Variants in FSTL4 observed in about 807,000 individuals in gnomAD.
FSTL4 encodes the protein follistatin like 4.
A neutral mutation model predicts 78.2 loss-of-function variants in FSTL4; 28 were observed. That is an observed-to-expected ratio of 0.36 (90% CI 0.27 to 0.49). FSTL4 has a LOEUF of 0.49. Among genes scored for constraint, FSTL4 ranks in the 20% least tolerant of loss-of-function variants. FSTL4 has a pLI of 0.98. For synonymous variants in FSTL4, 422 were observed against 440.5 expected, an observed-to-expected ratio of 0.96 and a Z score of 0.53; for missense variants, 922 against 1,084.9, an observed-to-expected ratio of 0.85 and a Z score of 2.11.
the FSTL4 span, among the ~76,000 whole-genome samples, chr5:133,648,313 C>T: frequency 6.6e-6 from 1 of 152,158 alleles, no homozygotes; most frequent in Non-Finnish European, 1.5e-5. Flanking sequence ...GCAAATGTTC[C>T]AAATCAGTTT....
At chr5:133,816,853 G>T in the FSTL4 span, among the ~76,000 whole-genome samples, 1 of 152,334 alleles carries the variant, frequency 6.6e-6, no homozygotes, top group Non-Finnish European at 1.5e-5. Context: ...ATGGCACCAG[G>T]TGGCCCCAGG....
At chr5:133,334,602 C>T (rs1018692528) in intron 4 of FSTL4, among the ~76,000 whole-genome samples, 1 of 152,192 alleles carries the variant, frequency 6.6e-6, no homozygotes, top group African/African-American at 2.4e-5. Flanking sequence ...CATTTTCTCT[C>T]TGTGTTATGC....
At chr5:133,370,351 C>G (rs1755267865) in intron 4 of FSTL4, among the ~76,000 whole-genome samples, 2 of 152,170 alleles carry the variant, frequency 1.3e-5, no homozygotes, top group South Asian at 4.2e-4. Context: ...TGGTATCTGC[C>G]TGCAGGCCAG....
intron 4 of FSTL4, among the ~76,000 whole-genome samples, chr5:133,330,934 G>C (rs868759925): frequency 7.9e-5 from 12 of 152,166 alleles, no homozygotes; most frequent in African/African-American, 2.9e-4. Flanking sequence ...GTGTCCCTGT[G>C]GTTATGCTGT....
At chr5:133,330,020 A>G (rs1754305903) in intron 4 of FSTL4, among the ~76,000 whole-genome samples, 1 of 152,284 alleles carries the variant, frequency 6.6e-6, no homozygotes, top group South Asian at 2.1e-4. Context: ...ATTTTGGAGA[A>G]TCCCATCTCT....
At chr5:133,201,882 G>A (rs1750331420) in intron 15 of FSTL4, 51 bp downstream of exon 15, 1 of 1,065,514 alleles carries the variant, frequency 9.4e-7, no homozygotes, top group Non-Finnish European at 1.4e-6. Flanking sequence ...GCCCCTTGCA[G>A]GGCTGAGCTG....
intron 6 of FSTL4, among the ~76,000 whole-genome samples, chr5:133,265,106 G>A (rs1041443662): frequency 2.0e-5 from 3 of 152,020 alleles, no homozygotes; most frequent in African/African-American, 7.3e-5. Context: ...TCTTCCCTGG[G>A]AATGCTGGCC....
intron 6 of FSTL4, among the ~76,000 whole-genome samples, chr5:133,252,509 C>T (rs2126826019): frequency 6.6e-6 from 1 of 152,168 alleles, no homozygotes; most frequent in South Asian, 2.1e-4. Context: ...GGTGGACATC[C>T]AGATTTTAAC....
intron 4 of FSTL4, among the ~76,000 whole-genome samples, chr5:133,350,241 G>A (rs1173600186): frequency 6.6e-6 from 1 of 152,274 alleles, no homozygotes; most frequent in African/African-American, 2.4e-5. Flanking sequence ...AAGACCCATG[G>A]GATGGACTAT....
intron 3 of FSTL4, among the ~76,000 whole-genome samples, chr5:133,423,190 C>T (rs753459560): frequency 6.6e-6 from 1 of 152,258 alleles, no homozygotes; most frequent in Non-Finnish European, 1.5e-5. Context: ...AATGAATGGG[C>T]GGCTTGTTTC....
chr5:133,691,565 C>T, the FSTL4 span, among the ~76,000 whole-genome samples: 1 of 152,138 alleles, frequency 6.6e-6, no homozygotes, highest in African/African-American at 2.4e-5. Flanking sequence ...GCTTCTATCC[C>T]AAGAAGGGTT....
the FSTL4 span, among the ~76,000 whole-genome samples, chr5:133,808,691 C>T: frequency 6.6e-6 from 1 of 152,092 alleles, no homozygotes; most frequent in Non-Finnish European, 1.5e-5. Flanking sequence ...CTCACATCTC[C>T]CCCAAAGTCA....
chr5:133,273,340 T>G (rs1323429671), intron 6 of FSTL4, among the ~76,000 whole-genome samples: 1 of 152,258 alleles, frequency 6.6e-6, no homozygotes, highest in African/African-American at 2.4e-5. Context: ...TATTTTATAC[T>G]TACATCTCAA....
chr5:133,465,051 A>G (rs147012994), intron 3 of FSTL4, among the ~76,000 whole-genome samples: 1 of 152,138 alleles, frequency 6.6e-6, no homozygotes, highest in African/African-American at 2.4e-5. Context: ...GTCACTTTGT[A>G]TTTACTCTCT....
At chr5:133,607,672 A>C (rs999536877) in intron 1 of FSTL4, among the ~76,000 whole-genome samples, 5 of 152,184 alleles carry the variant, frequency 3.3e-5, no homozygotes, top group Non-Finnish European at 7.3e-5. Flanking sequence ...AGTTGTTTTT[A>C]GTATAATGGG....
intron 3 of FSTL4, chr5:133,427,595 TGGCG>T: frequency 2.0e-6 from 1 of 508,748 alleles, no homozygotes; most frequent in South Asian, 1.4e-5. Context: ...AGGGCGGGAA[TGGCG>T]GGGGCGATAG....
the FSTL4 span, among the ~76,000 whole-genome samples, chr5:133,818,169 C>T: frequency 1.3e-5 from 2 of 152,258 alleles, no homozygotes; most frequent in Non-Finnish European, 2.9e-5. Context: ...TACCTCATCA[C>T]AGCCCTCAGC....
the FSTL4 span, among the ~76,000 whole-genome samples, chr5:133,751,493 G>T: frequency 6.6e-6 from 1 of 152,180 alleles, no homozygotes; most frequent in Non-Finnish European, 1.5e-5. Flanking sequence ...TGGAAGAGTT[G>T]TCAAATCTGG....
At chr5:133,374,475 T>C (rs1755385038) in intron 4 of FSTL4, among the ~76,000 whole-genome samples, 1 of 152,160 alleles carries the variant, frequency 6.6e-6, no homozygotes, top group South Asian at 2.1e-4. Flanking sequence ...AAAGAAATTG[T>C]GACAGTACTA....
Sources: allele counts gnomAD v4.1 joint callset (sites outside exome capture counted in the v4.1 genomes callset), GRCh38; gene constraint gnomAD v4.1.1; transcripts MANE v1.5; gene names NCBI Gene and HGNC (gene_info 2026-07-23, HGNC 2026-07-21).